Variants in CDK15 observed in about 807,000 individuals in gnomAD.
The protein encoded by CDK15 is cyclin-dependent kinase 15.
A neutral mutation model predicts 60.3 loss-of-function variants in CDK15; 62 were observed. That is an observed-to-expected ratio of 1.03 (90% CI 0.84 to 1.27). The LOEUF is 1.27. Ranked by LOEUF, CDK15 falls within the 50% of genes most tolerant of loss-of-function variation. The probability of loss-of-function intolerance (pLI) is 0.00; values close to 1 mark genes in which losing one functional copy is unlikely to be tolerated. For synonymous variants in CDK15, 194 were observed against 195.7 expected, an observed-to-expected ratio of 0.99 and a Z score of 0.07; for missense variants, 541 against 527.8, an observed-to-expected ratio of 1.03 and a Z score of -0.25.
rs1321952810 is a variant in CDK15 at position 201,880,137 on chromosome 2, C to G, written c.1168C>G (p.Leu390Val). The G allele has an allele frequency of 3.1e-6, 5 of 1,613,928 alleles. No homozygotes were observed. Among genetic ancestry groups the G allele is most frequent in the South Asian group, 1.1e-5 (1 of 91,070 alleles). Reference sequence around the variant, plus strand: ...ACTTGTTCATGATTATTTCAGCGCCCTGCCATCTCAGCTGTACCAGCTTCC... The same window carrying G: ...ACTTGTTCATGATTATTTCAGCGCCGTGCCATCTCAGCTGTACCAGCTTCC... The part of the protein sequence containing the change: ...EALVHDYFSA[L>V]PSQLYQLPDE... The change falls in exon 12 of 14, where the codon CTG becomes GTG. Residue 390 changes from leucine to valine, a missense_variant. Transcript: ENST00000652192.
intron 6 of CDK15, among the ~76,000 whole-genome samples, chr2:201,825,807 G>T (rs76300039): frequency 0.036 from 5,450 of 152,300 alleles, 102 homozygotes; most frequent in African/African-American, 0.055. Context: ...GTGCTGGCCA[G>T]TGGCATCTAG....
intron 6 of CDK15, among the ~76,000 whole-genome samples, chr2:201,828,556 T>A (rs1004283941): frequency 6.6e-6 from 1 of 151,880 alleles, no homozygotes; most frequent in Non-Finnish European, 1.5e-5. Context: ...TCTTGATGCA[T>A]TGACCTTGTG....
intron 11 of CDK15, 23 bp from the exon 12 acceptor site, chr2:201,880,005 A>C: frequency 6.2e-7 from 1 of 1,611,728 alleles, no homozygotes; most frequent in Non-Finnish European, 8.5e-7. Context: ...GAGAAACTCT[A>C]TTTTTCTCTC....
chr2:201,846,355 T>C (rs1697662637), intron 8 of CDK15, among the ~76,000 whole-genome samples: 1 of 152,026 alleles, frequency 6.6e-6, no homozygotes, highest in Non-Finnish European at 1.5e-5. Context: ...TAGCCAGGCA[T>C]GGTGGCAGGT....
chr2:201,834,852 G>T (rs1319185300), intron 7 of CDK15, among the ~76,000 whole-genome samples: 5 of 152,168 alleles, frequency 3.3e-5, no homozygotes, highest in Non-Finnish European at 7.4e-5. Context: ...GCATTTAACA[G>T]ATATTTGTTT....
At chr2:201,807,805 GTTCT>G in intron 2 of CDK15, 49 bp from the exon 3 acceptor site, 1 of 1,568,288 alleles carries the variant, frequency 6.4e-7, no homozygotes. Flanking sequence ...AAAAAAAAGT[GTTCT>G]TTCTCTCTTC....
chr2:201,856,982 G>C (rs1332605845), intron 10 of CDK15, among the ~76,000 whole-genome samples: 1 of 49,658 alleles, frequency 2.0e-5, no homozygotes, highest in East Asian at 3.3e-4. Flanking sequence ...CCAGCACTTT[G>C]GGAGGCCGAG....
intron 8 of CDK15, among the ~76,000 whole-genome samples, chr2:201,839,610 G>C (rs910256570): frequency 6.6e-6 from 1 of 151,972 alleles, no homozygotes; most frequent in Non-Finnish European, 1.5e-5. Context: ...AATTATTTAG[G>C]GATGAAGAGT....
chr2:201,875,339 G>C (rs1699036887), intron 11 of CDK15, among the ~76,000 whole-genome samples: 1 of 152,172 alleles, frequency 6.6e-6, no homozygotes, highest in Admixed American at 6.5e-5. Flanking sequence ...GGCAGAAATG[G>C]AAATTGGTAC....
intron 6 of CDK15, among the ~76,000 whole-genome samples, chr2:201,826,780 G>C (rs983911067): frequency 1.3e-4 from 20 of 152,232 alleles, no homozygotes; most frequent in Non-Finnish European, 2.5e-4. Context: ...GAAAGAGCAA[G>C]TATTATTTTC....
At chr2:201,863,494 G>A (rs1042669160) in intron 10 of CDK15, among the ~76,000 whole-genome samples, 1 of 152,072 alleles carries the variant, frequency 6.6e-6, no homozygotes, top group Non-Finnish European at 1.5e-5. Context: ...CATGTAAATG[G>A]CTCAAACCAG....
At chr2:201,879,425 G>T (rs1463169600) in intron 11 of CDK15, among the ~76,000 whole-genome samples, 2 of 152,196 alleles carry the variant, frequency 1.3e-5, no homozygotes, top group African/African-American at 4.8e-5. Context: ...TGTTGCCCAG[G>T]CTGGAGTGCT....
chr2:201,854,879 G>C lies in CDK15; in HGVS notation c.951G>C (p.Leu317=), dbSNP rs142560911. The change falls in exon 10 of 14, where the codon CTG becomes CTC. Residue 317 remains leucine (L), a synonymous_variant. Coordinates refer to ENST00000652192, the MANE Select transcript of CDK15 (RefSeq NM_001366386.2). The part of the protein sequence containing the change: ...LEQLEKIWEV[L]GVPTEDTWPG... ...CTTTGTTTGGCTTTATATAGGTGCTGGGAGTCCCTACAGAGGATACTTGGC... is the reference window on the plus strand; with the variant it reads ...CTTTGTTTGGCTTTATATAGGTGCTCGGAGTCCCTACAGAGGATACTTGGC... The C allele has an allele frequency of 1.2e-6, 2 of 1,613,842 alleles. No individual in the cohort carries two copies. The highest frequency in any genetic ancestry group is 1.7e-6 in the Non-Finnish European group (2 of 1,179,914).
intron 10 of CDK15, 108 bp downstream of exon 10, chr2:201,855,045 G>C: frequency 7.6e-6 from 7 of 917,134 alleles, no homozygotes; most frequent in Non-Finnish European, 1.1e-5. Context: ...GCAAAGATGG[G>C]TGTAGAGGAA....
intron 9 of CDK15, among the ~76,000 whole-genome samples, chr2:201,854,142 C>A (rs1698035538): frequency 6.6e-6 from 1 of 152,050 alleles, no homozygotes; most frequent in Non-Finnish European, 1.5e-5. Context: ...TCACTGCACT[C>A]CAGCCTGGGC....
intron 13 of CDK15, 103 bp downstream of exon 13, chr2:201,891,030 T>C (rs1699624546): frequency 1.5e-5 from 9 of 602,258 alleles, no homozygotes; most frequent in Non-Finnish European, 2.3e-5. Flanking sequence ...CTCTGTGCTG[T>C]TTCTAGTTCT....
rs1431543272 is a variant in CDK15, at chr2:201,880,035, AG to A, written c.1069del (p.Val357PhefsTer12). ...SLHVVWNRLG[R>X]VPEAEDLASQ... ...TCTCTCCCACTTTTCCAGGCTGGGC[AG>A]GGTTCCTGAAGCTGAAGACCTGGCC... is the stretch of plus-strand genomic sequence containing the variant. On this transcript the variant is annotated frameshift_variant, in exon 12 of 14. Transcript: ENST00000652192. LOFTEE classifies it high-confidence loss of function. 49 of 1,613,848 alleles carry A rather than the reference AG, an allele frequency of 3.0e-5. No individual in the cohort carries two copies. Among genetic ancestry groups the A allele is most frequent in the Admixed American group, 8.3e-5 (5 of 59,998 alleles).
chr2:201,860,667 G>GTAC, intron 10 of CDK15: 1 of 1,341,286 alleles, frequency 7.5e-7, no homozygotes, highest in Non-Finnish European at 9.9e-7. Context: ...AGAATCAGAT[G>GTAC]TACCATAAGC....
At chr2:201,838,549 T>A (rs1162882970) in intron 8 of CDK15, among the ~76,000 whole-genome samples, 1 of 151,340 alleles carries the variant, frequency 6.6e-6, no homozygotes, top group African/African-American at 2.4e-5. Context: ...GGAATACAGG[T>A]GTGTGCCACC....
Sources: allele counts gnomAD v4.1 joint callset (sites outside exome capture counted in the v4.1 genomes callset), GRCh38; gene constraint gnomAD v4.1.1; transcripts MANE v1.5; gene names NCBI Gene and HGNC (gene_info 2026-07-23, HGNC 2026-07-21).